Variants in ZNF33A observed in about 807,000 individuals in gnomAD.
ZNF33A encodes the protein brain my041 protein.
A neutral mutation model predicts 15.9 loss-of-function variants in ZNF33A; 9 were observed. That is an observed-to-expected ratio of 0.57 (90% confidence interval 0.34 to 0.99). ZNF33A has a LOEUF of 0.99. Among genes scored for constraint, ZNF33A ranks in the 50% least tolerant of loss-of-function variants. ZNF33A has a pLI of 0.02. For synonymous variants in ZNF33A, 294 were observed against 324.2 expected (o/e 0.91, Z 1.00); for missense variants, 843 against 941.6 (o/e 0.90, Z 1.37).
chr10:38,033,612 T>C (rs538252889), intron 4 of ZNF33A, among the ~76,000 whole-genome samples: 10 of 152,330 alleles, frequency 6.6e-5, no homozygotes, highest in African/African-American at 2.4e-4. Flanking sequence ...TTGCAACATT[T>C]TTTATTAATA....
At chr10:38,011,977 T>C (rs1208451801) in intron 1 of ZNF33A, among the ~76,000 whole-genome samples, 1 of 152,246 alleles carries the variant, frequency 6.6e-6, no homozygotes, top group Non-Finnish European at 1.5e-5. Context: ...TTGGCCAATA[T>C]TGTCATTATA....
Position 38,057,208 on chromosome 10 carries a change from A to C in ZNF33A, c.*648A>C. 1 of 984,768 alleles carries C rather than the reference A, an allele frequency of 1.0e-6. No individual in the cohort carries two copies. Among genetic ancestry groups the C allele is most frequent in the Non-Finnish European group, 1.2e-6 (1 of 829,460 alleles). The allele number at this position is 984,768 out of a possible 1,614,324, so 61.0% of individuals were successfully genotyped here. On this transcript the variant is annotated 3_prime_UTR_variant, in exon 5 of 5. Transcript: ENST00000432900. ...ACCATCAACACGATTAGTTTACAGA[A>C]CTGAAAAGGAATCTGAGATCTGTAC...
rs2064127243 is a variant in ZNF33A at position 38,010,734 on chromosome 10, A to G, written c.-94A>G. On this transcript the variant is annotated 5_prime_UTR_variant, in exon 1 of 5. Coordinates refer to ENST00000432900, the MANE Select transcript of ZNF33A (RefSeq NM_006954.2). ...GCGTGGGAGGCGGTCCCGGGATTTCAAGGGTCTACGCGCTTTTCTATGGCG... is the reference window on the plus strand; with the variant it reads ...GCGTGGGAGGCGGTCCCGGGATTTCGAGGGTCTACGCGCTTTTCTATGGCG... 1.3e-6 allele frequency: 2 copies of G among 1,598,202 alleles called. No individual in the cohort carries two copies. The highest frequency in any genetic ancestry group is 3.3e-5 in the Admixed American group (2 of 59,990).
At chr10:38,049,609 T>G (rs1167909092) in intron 4 of ZNF33A, among the ~76,000 whole-genome samples, 1 of 152,144 alleles carries the variant, frequency 6.6e-6, no homozygotes, top group African/African-American at 2.4e-5. Context: ...TATGTATATA[T>G]CTAATATACA....
intron 4 of ZNF33A, among the ~76,000 whole-genome samples, chr10:38,022,547 C>T (rs928954131): frequency 6.6e-6 from 1 of 151,100 alleles, no homozygotes; most frequent in Non-Finnish European, 1.5e-5. Flanking sequence ...GTCCCAGCTA[C>T]TCAGGAGGCT....
intron 4 of ZNF33A, among the ~76,000 whole-genome samples, chr10:38,048,071 A>G (rs781772399): frequency 1.3e-5 from 2 of 152,214 alleles, no homozygotes; most frequent in Admixed American, 6.5e-5. Context: ...CTCAGTAAAA[A>G]TAGCTATAAG....
chr10:38,058,169 G>C lies in ZNF33A; in HGVS notation c.*1609G>C, dbSNP rs1181264997. 6.4e-5 allele frequency: 43 copies of C among 671,392 alleles called. No homozygotes were observed. The highest frequency in any genetic ancestry group is 9.8e-5 in the African/African-American group (5 of 50,890). The allele number at this position is 671,392 out of a possible 1,614,324, so 41.6% of individuals were successfully genotyped here. On this transcript the variant is annotated 3_prime_UTR_variant, in exon 5 of 5. Coordinates refer to ENST00000432900, the MANE Select transcript of ZNF33A (RefSeq NM_006954.2). ...CATTAGAGTAAAAATCATTGAAATT[G>C]AAAAGAGAAAATCGATAAAACCCAA...
chr10:38,031,180 T>G (rs1333349447), intron 4 of ZNF33A, among the ~76,000 whole-genome samples: 1 of 152,256 alleles, frequency 6.6e-6, no homozygotes, highest in Non-Finnish European at 1.5e-5. Flanking sequence ...TTGGCTGATA[T>G]TGAACTATAG....
downstream of ZNF33A, among the ~76,000 whole-genome samples, chr10:38,061,421 A>G (rs1175693055): frequency 6.6e-6 from 1 of 152,136 alleles, no homozygotes; most frequent in Non-Finnish European, 1.5e-5. Context: ...TTACCAGAGG[A>G]AGTAATCTCT....
At chr10:38,017,657 T>G (rs2064524836) in intron 4 of ZNF33A, 1 of 249,304 alleles carries the variant, frequency 4.0e-6, no homozygotes. Flanking sequence ...CTGTTGTTTT[T>G]CTTGGTTATC....
intron 4 of ZNF33A, among the ~76,000 whole-genome samples, chr10:38,018,887 G>A (rs186885636): frequency 6.6e-6 from 1 of 151,960 alleles, no homozygotes; most frequent in Admixed American, 6.5e-5. Context: ...CATCAAATAA[G>A]TCCATGGCAA....
chr10:38,050,544 C>T (rs2066155644), intron 4 of ZNF33A, among the ~76,000 whole-genome samples: 14 of 152,184 alleles, frequency 9.2e-5, no homozygotes, highest in Admixed American at 9.2e-4. Context: ...ACTATGTGTG[C>T]AAGTAGACAG....
intron 2 of ZNF33A, among the ~76,000 whole-genome samples, chr10:38,016,633 A>C (rs1259605093): frequency 2.0e-5 from 3 of 152,232 alleles, no homozygotes; most frequent in African/African-American, 7.2e-5. Context: ...CTTTGAACAC[A>C]GGAAGATTTT....
At chr10:38,035,892 G>C (rs12266728) in intron 4 of ZNF33A, among the ~76,000 whole-genome samples, 1 of 152,152 alleles carries the variant, frequency 6.6e-6, no homozygotes, top group Non-Finnish European at 1.5e-5. Flanking sequence ...GGTGATTTCT[G>C]TGCAACATTT....
chr10:38,028,126 G>A (rs1388747066), intron 4 of ZNF33A, among the ~76,000 whole-genome samples: 3 of 151,960 alleles, frequency 2.0e-5, no homozygotes, highest in Admixed American at 1.3e-4. Context: ...TAAATAGTTG[G>A]GTGTGGTGGT....
At chr10:38,020,807 A>T (rs2064702686) in intron 4 of ZNF33A, among the ~76,000 whole-genome samples, 1 of 152,196 alleles carries the variant, frequency 6.6e-6, no homozygotes, top group African/African-American at 2.4e-5. Context: ...GGGAGCAGAG[A>T]TATCTCATTG....
At chr10:38,048,201 T>G (rs2066042834) in intron 4 of ZNF33A, among the ~76,000 whole-genome samples, 1 of 152,154 alleles carries the variant, frequency 6.6e-6, no homozygotes, top group Non-Finnish European at 1.5e-5. Flanking sequence ...CCTAGGGGGA[T>G]GAAGGACAGG....
At chr10:38,031,895 G>A (rs58765099) in intron 4 of ZNF33A, among the ~76,000 whole-genome samples, 2,279 of 152,146 alleles carry the variant, frequency 0.015, 66 homozygotes, top group African/African-American at 0.052. Context: ...CCCGGGAGGC[G>A]GAGGTTGCAC....
At chr10:38,018,021 G>A (rs2064546328) in intron 4 of ZNF33A, among the ~76,000 whole-genome samples, 1 of 152,184 alleles carries the variant, frequency 6.6e-6, no homozygotes, top group African/African-American at 2.4e-5. Flanking sequence ...TTGAACCCAG[G>A]AGGCAGAGGT....
Sources: allele counts gnomAD v4.1 joint callset (sites outside exome capture counted in the v4.1 genomes callset), GRCh38; gene constraint gnomAD v4.1.1; transcripts MANE v1.5; gene names NCBI Gene and HGNC (gene_info 2026-07-23, HGNC 2026-07-21).